The following CWF19L2 variants were observed in gnomAD, a reference collection of about 807,000 sequenced individuals.
The protein encoded by CWF19L2 is CWF19 like cell cycle control factor 2.
CWF19L2 carries 98 observed loss-of-function variants against 111.7 expected under a neutral mutation model. That is an observed-to-expected ratio of 0.88 (90% CI 0.75 to 1.04). CWF19L2 has a LOEUF of 1.04. Among genes scored for constraint, CWF19L2 ranks in the 50% least tolerant of loss-of-function variants. CWF19L2 has a pLI of 0.00. For missense variants in CWF19L2, 1,101 were observed against 1,051.4 expected, an observed-to-expected ratio of 1.05 and a Z score of -0.65; for synonymous variants, 351 against 342.9, an observed-to-expected ratio of 1.02 and a Z score of -0.26.
At position 107,454,499 on chromosome 11, in the gene CWF19L2, CTCTT is replaced by C. The variant is rs1301996055; in HGVS notation, c.286_289del (p.Lys96AlafsTer40). The stretch of plus-strand genomic sequence containing the variant: ...GTTTTTTTCATATTTCTGTTTCTTG[CTCTT>C]TTTTTTCTTTTCTTTCTTTGCTTTT... On this transcript the variant is annotated frameshift_variant, in exon 3 of 18. Transcript: ENST00000282251. LOFTEE classifies it high-confidence loss of function. The C allele has an allele frequency of 1.4e-6, 2 of 1,472,702 alleles. No homozygotes were observed. Among genetic ancestry groups the C allele is most frequent in the Non-Finnish European group, 1.8e-6 (2 of 1,116,326 alleles). The allele number at this position is 1,472,702 out of a possible 1,614,324, so 91.2% of individuals were successfully genotyped here.
chr11:107,329,215 C>T (rs377745177), intron 17 of CWF19L2, among the ~76,000 whole-genome samples: 1 of 152,080 alleles, frequency 6.6e-6, no homozygotes, highest in African/African-American at 2.4e-5. Context: ...GTTTCAGTTG[C>T]TGCATTAACT....
intron 10 of CWF19L2, among the ~76,000 whole-genome samples, chr11:107,414,594 CACATCTA>C (rs1161449314): frequency 4.4e-4 from 67 of 152,218 alleles, no homozygotes; most frequent in African/African-American, 1.5e-3. Flanking sequence ...CCACTTATTC[CACATCTA>C]ACAGGCATCC....
At chr11:107,410,758 C>T (rs1336755538) in intron 10 of CWF19L2, among the ~76,000 whole-genome samples, 1 of 152,118 alleles carries the variant, frequency 6.6e-6, no homozygotes, top group Non-Finnish European at 1.5e-5. Context: ...AGAATACCTG[C>T]TTCAAATGTT....
Position 107,381,418 on chromosome 11 carries a change from T to C in CWF19L2, c.1872+8656A>G, listed in dbSNP as rs574922094. Among the ~76,000 whole-genome samples the C allele has an allele frequency of 2.0e-4, 31 of 152,248 alleles. No individual in the cohort carries two copies. In the South Asian group the frequency reaches 5.4e-3, roughly 26 times the overall value. ...ATTCAAGCTTACATCTTTTGGAAAATGAATAAACTAAGTCAATATTTATCT... is the reference window on the plus strand; with the variant it reads ...ATTCAAGCTTACATCTTTTGGAAAACGAATAAACTAAGTCAATATTTATCT... On this transcript the variant is annotated intron_variant, in intron 12 of 17. Transcript: ENST00000282251.
At chr11:107,347,868 A>G (rs905213782) in intron 14 of CWF19L2, among the ~76,000 whole-genome samples, 1 of 152,128 alleles carries the variant, frequency 6.6e-6, no homozygotes, top group Non-Finnish European at 1.5e-5. Context: ...TACTTAAAAT[A>G]TTTTTGGCAC....
intron 14 of CWF19L2, among the ~76,000 whole-genome samples, chr11:107,339,991 A>G (rs1361063976): frequency 1.3e-5 from 2 of 151,956 alleles, no homozygotes; most frequent in East Asian, 3.9e-4. Flanking sequence ...GATTGTTTTC[A>G]CTGTTTTGAC....
chr11:107,428,371 G>C (rs745655736), intron 8 of CWF19L2, among the ~76,000 whole-genome samples: 1 of 151,932 alleles, frequency 6.6e-6, no homozygotes, highest in Non-Finnish European at 1.5e-5. Context: ...TATTTGGGCC[G>C]TGGCAGCGTG....
intron 9 of CWF19L2, among the ~76,000 whole-genome samples, chr11:107,417,949 A>G (rs1440010529): frequency 2.6e-5 from 4 of 152,038 alleles, no homozygotes; most frequent in East Asian, 1.9e-4. Flanking sequence ...TACTAGAGAC[A>G]GGGTTTCACC....
chr11:107,426,476 A>G (rs1006206358), intron 8 of CWF19L2, among the ~76,000 whole-genome samples: 2 of 151,938 alleles, frequency 1.3e-5, no homozygotes, highest in Non-Finnish European at 2.9e-5. Flanking sequence ...TTTATTTTAC[A>G]GCTATATTTA....
In CWF19L2 at chr11:107,374,051, G is replaced by C. The variant is rs1433357624; in HGVS notation, c.1872+16023C>G. 1.5e-5 allele frequency among the ~76,000 whole-genome samples: 2 copies of C among 136,828 alleles called. 1 individual carries two copies. Among genetic ancestry groups the C allele is most frequent in the Non-Finnish European group, 3.1e-5 (2 of 64,180 alleles). 89.8% of individuals were successfully genotyped at this position (136,828 alleles called of 152,430 possible). ...GAAGATGAACTGAATGAAATGAAAC[G>C]AGAAGGGAAGTTTAGAGAAAAAAGA... On this transcript the variant is annotated intron_variant, in intron 12 of 17. Coordinates refer to ENST00000282251, the MANE Select transcript of CWF19L2 (RefSeq NM_152434.3).
chr11:107,398,795 T>A (rs1379835353), intron 10 of CWF19L2, among the ~76,000 whole-genome samples: 1 of 152,156 alleles, frequency 6.6e-6, no homozygotes, highest in Non-Finnish European at 1.5e-5. Context: ...AAGCACCAGG[T>A]AACCTATAAA....
intron 1 of CWF19L2, among the ~76,000 whole-genome samples, chr11:107,456,170 C>T (rs1271395001): frequency 6.6e-6 from 1 of 152,180 alleles, no homozygotes; most frequent in Non-Finnish European, 1.5e-5. Context: ...TATGCAATGC[C>T]TGTAGCCCCA....
At chr11:107,361,050 C>G (rs561755186) in intron 12 of CWF19L2, among the ~76,000 whole-genome samples, 1 of 152,196 alleles carries the variant, frequency 6.6e-6, no homozygotes, top group East Asian at 1.9e-4. Context: ...AAGAGTTTCC[C>G]CTAGGTTTTC....
rs375785669 is a variant in CWF19L2 at position 107,327,022 on chromosome 11, G to C, written c.2573C>G (p.Pro858Arg). The change falls in exon 18 of 18, where the codon CCA becomes CGA. Residue 858 changes from proline (P) to arginine (R), a missense_variant. Physicochemically the swap from Pro to Arg is moderately radical, Grantham distance 103 (BLOSUM62 -2). Coordinates refer to ENST00000282251, the MANE Select transcript of CWF19L2 (RefSeq NM_152434.3). ...TCGGATGCCTTTCCTCCAAAGTCTT[G>C]GTTCTATATCCAGCATCCCACCTAT... ...EIIGGMLDIE[P>R]RLWRKGIRES... 1 of 1,609,094 alleles carries C rather than the reference G, an allele frequency of 6.2e-7. No homozygotes were observed. The highest frequency in any genetic ancestry group is 8.5e-7 in the Non-Finnish European group (1 of 1,177,864).
At chr11:107,329,553 C>T (rs1859812050) in intron 17 of CWF19L2, among the ~76,000 whole-genome samples, 1 of 152,128 alleles carries the variant, frequency 6.6e-6, no homozygotes, top group South Asian at 2.1e-4. Context: ...ATAATATCCA[C>T]ACAATAGGAT....
chr11:107,359,869 A>C (rs1860297204), intron 12 of CWF19L2, among the ~76,000 whole-genome samples: 1 of 152,224 alleles, frequency 6.6e-6, no homozygotes, highest in Non-Finnish European at 1.5e-5. Context: ...CACTCCACTG[A>C]ATGAAAAGGC....
rs571560694 is a variant in CWF19L2 at position 107,454,477 on chromosome 11, T to C, written c.312A>G (p.Lys104=). 4 of 1,461,206 alleles carry C rather than the reference T, an allele frequency of 2.7e-6. No homozygotes were observed. In the South Asian group the frequency reaches 6.0e-5, roughly 22 times the overall value. The allele number at this position is 1,461,206 out of a possible 1,614,324, so 90.5% of individuals were successfully genotyped here. ...ATGAGCTATCAGATGACTCATTGTT[T>C]TTTTCATATTTCTGTTTCTTGCTCT... The part of the protein sequence containing the change: ...KKKSKKQKYE[K]NNESSDSSSS... Residue 104 remains lysine (K), a synonymous_variant, in exon 3 of 18, where the codon AAA becomes AAG. Transcript: ENST00000282251.
intron 3 of CWF19L2, among the ~76,000 whole-genome samples, chr11:107,443,325 AC>A (rs2135423099): frequency 6.6e-6 from 1 of 152,178 alleles, no homozygotes; most frequent in South Asian, 2.1e-4. Flanking sequence ...TACTAAAAAT[AC>A]AAAAAAGTTA....
Position 107,326,956 on chromosome 11 carries a change from G to C in CWF19L2, c.2639C>G (p.Ala880Gly). The change falls in exon 18 of 18, where the codon GCT (alanine) becomes GGT (glycine). Residue 880 changes from alanine (A) to glycine (G), a missense_variant. By Grantham distance (60) the Ala-to-Gly change is moderately conservative. Coordinates refer to ENST00000282251, the MANE Select transcript of CWF19L2 (RefSeq NM_152434.3). Reference protein sequence around the residue: ...EDQRKKALQFAQWWKPYDFTK... With the variant: ...EDQRKKALQFGQWWKPYDFTK... The stretch of plus-strand genomic sequence containing the variant: ...GAAGTCATATGGTTTCCACCACTGA[G>C]CAAACTGCAGTGCTTTTTTCCTCTG... The C allele has an allele frequency of 6.2e-7, 1 of 1,611,592 alleles. No homozygotes were observed. Among genetic ancestry groups the C allele is most frequent in the East Asian group, 2.2e-5 (1 of 44,678 alleles).
Sources: gnomAD v4.1 joint callset for allele counts (sites outside exome capture counted in the v4.1 genomes callset) on GRCh38, gnomAD v4.1.1 for gene constraint, MANE v1.5 for transcripts, NCBI Gene and HGNC (gene_info 2026-07-23, HGNC 2026-07-21) for gene names.